Variants in TRPS1 observed in about 807,000 individuals in gnomAD.
TRPS1 encodes transcriptional repressor GATA binding 1.
A neutral mutation model predicts 101.2 loss-of-function variants in TRPS1; 6 were observed. The observed-to-expected ratio is 0.06, with a 90% CI of 0.03 to 0.12. The LOEUF (loss-of-function observed/expected upper bound fraction) is 0.12. Ranked by LOEUF, TRPS1 falls within the 10% of genes least tolerant of loss-of-function variation. TRPS1 has a pLI of 1.00. For missense variants in TRPS1, 1,363 were observed against 1,567.0 expected (o/e 0.87, Z 2.20); for synonymous variants, 578 against 589.8 (o/e 0.98, Z 0.29).
chr8:115,653,699 A>T (rs1169016184), intron 1 of TRPS1, among the ~76,000 whole-genome samples: 1 of 152,208 alleles, frequency 6.6e-6, no homozygotes, highest in Non-Finnish European at 1.5e-5. Context: ...AAAAAAGACA[A>T]GGCTGCCTTC....
At chr8:115,426,678 C>A (rs529066371) in intron 5 of TRPS1, among the ~76,000 whole-genome samples, 1 of 152,180 alleles carries the variant, frequency 6.6e-6, no homozygotes, top group Non-Finnish European at 1.5e-5. Context: ...ATGTATGACA[C>A]TCTCCAGAAA....
At chr8:115,474,704 C>A (rs951726945) in intron 5 of TRPS1, among the ~76,000 whole-genome samples, 1 of 152,004 alleles carries the variant, frequency 6.6e-6, no homozygotes, top group Non-Finnish European at 1.5e-5. Flanking sequence ...AAAATTATTT[C>A]TGTTATTTAC....
At chr8:115,574,910 T>C (rs1817281942) in intron 5 of TRPS1, among the ~76,000 whole-genome samples, 2 of 152,226 alleles carry the variant, frequency 1.3e-5, no homozygotes, top group Middle Eastern at 3.4e-3. Context: ...TTTTCCACTA[T>C]AATAATGTTT....
chr8:115,412,989 A>C lies in TRPS1; in HGVS notation c.*1034T>G, dbSNP rs1334011541. ...AACCTTAGACGCTGCCTGACCACAA[A>C]GTTTGGAAATTATATTTAACCAAAA... is the stretch of plus-strand genomic sequence containing the variant. On this transcript the variant is annotated 3_prime_UTR_variant, in exon 7 of 7. Coordinates refer to ENST00000395715, the MANE Select transcript of TRPS1 (RefSeq NM_014112.5). 1.3e-5 allele frequency: 2 copies of C among 152,578 alleles called. No individual in the cohort carries two copies. Among genetic ancestry groups the C allele is most frequent in the Non-Finnish European group, 2.9e-5 (2 of 68,016 alleles). 9.5% of individuals were successfully genotyped at this position (152,578 alleles called of 1,614,324 possible). A position where few individuals can be genotyped will look rare whatever the true frequency, so the allele number is the denominator to read the frequency against.
At position 115,488,883 on chromosome 8, in the gene TRPS1, T is replaced by G. The variant is rs142364699; in HGVS notation, c.2701-70431A>C. Reference sequence around the variant, plus strand: ...CTCATATAAACAGTGACATTATAAATGAGGTTATGTATTAATATAGTTCAA... The same window carrying G: ...CTCATATAAACAGTGACATTATAAAGGAGGTTATGTATTAATATAGTTCAA... On this transcript the variant is annotated intron_variant, in intron 5 of 6. Transcript: ENST00000395715. Among the ~76,000 whole-genome samples the G allele has an allele frequency of 2.4e-3, 358 of 152,298 alleles. 1 individual carries two copies. Among genetic ancestry groups the G allele is most frequent in the African/African-American group, 8.2e-3 (339 of 41,562 alleles).
At chr8:115,583,903 G>A (rs1057211731) in intron 5 of TRPS1, among the ~76,000 whole-genome samples, 10 of 151,622 alleles carry the variant, frequency 6.6e-5, no homozygotes, top group Non-Finnish European at 1.2e-4. Flanking sequence ...CCTGACATAA[G>A]CCAAAAAAAG....
chr8:115,648,377 C>A (rs569724046), intron 1 of TRPS1, among the ~76,000 whole-genome samples: 2 of 152,212 alleles, frequency 1.3e-5, no homozygotes, highest in Admixed American at 6.5e-5. Flanking sequence ...ACTGCTTCCG[C>A]AGGACTTCCT....
intron 5 of TRPS1, among the ~76,000 whole-genome samples, chr8:115,439,257 G>C (rs961388426): frequency 6.6e-6 from 1 of 152,180 alleles, no homozygotes; most frequent in African/African-American, 2.4e-5. Flanking sequence ...CGTTTACAGT[G>C]ATGCTAAAAG....
rs75837430 is a variant in TRPS1 at position 115,541,419 on chromosome 8, G to A, written c.2700+45582C>T. 2.0e-3 allele frequency among the ~76,000 whole-genome samples: 301 copies of A among 152,246 alleles called. 8 individuals are homozygous for A. In the East Asian group the frequency reaches 0.049, roughly 25 times the overall value. On this transcript the variant is annotated intron_variant, in intron 5 of 6. Transcript: ENST00000395715. ...AACTATAGCTATTCTTTATTCTAGT[G>A]TAACCAATTTTCACTGGTTATGCCA... is the stretch of plus-strand genomic sequence containing the variant.
intron 3 of TRPS1, among the ~76,000 whole-genome samples, chr8:115,614,902 G>A (rs530216933): frequency 9.3e-4 from 141 of 152,108 alleles, no homozygotes; most frequent in Non-Finnish European, 1.6e-3. Context: ...CTGCTCAAAC[G>A]ATTGTACTGA....
At chr8:115,640,538 G>A (rs543404816) in intron 1 of TRPS1, among the ~76,000 whole-genome samples, 5 of 152,206 alleles carry the variant, frequency 3.3e-5, no homozygotes, top group East Asian at 1.9e-4. Flanking sequence ...AGTGTTGTTC[G>A]TGTTCACAGG....
intron 5 of TRPS1, among the ~76,000 whole-genome samples, chr8:115,562,184 C>A (rs1002307859): frequency 6.6e-6 from 1 of 151,820 alleles, no homozygotes; most frequent in Non-Finnish European, 1.5e-5. Context: ...AAAAAATAGA[C>A]CAATGATATT....
At chr8:115,642,865 A>AT (rs1818935276) in intron 1 of TRPS1, among the ~76,000 whole-genome samples, 1 of 86,974 alleles carries the variant, frequency 1.1e-5, no homozygotes, top group African/African-American at 3.7e-5. Context: ...TATATATATA[A>AT]ATATATATAT....
chr8:115,596,755 GATGT>G (rs1247925460), intron 4 of TRPS1, among the ~76,000 whole-genome samples: 1 of 151,522 alleles, frequency 6.6e-6, no homozygotes, highest in African/African-American at 2.4e-5. Context: ...GTATATTTCA[GATGT>G]ATTTATCCAT....
At chr8:115,648,144 A>G (rs1186762209) in intron 1 of TRPS1, among the ~76,000 whole-genome samples, 1 of 151,960 alleles carries the variant, frequency 6.6e-6, no homozygotes, top group Non-Finnish European at 1.5e-5. Flanking sequence ...GAGGAAAGAG[A>G]GTTTATGGAG....
At chr8:115,447,484 A>G (rs904709388) in intron 5 of TRPS1, among the ~76,000 whole-genome samples, 4 of 152,210 alleles carry the variant, frequency 2.6e-5, no homozygotes, top group African/African-American at 9.6e-5. Flanking sequence ...AGCAAAAGAT[A>G]TAAGATATAA....
intron 5 of TRPS1, among the ~76,000 whole-genome samples, chr8:115,526,718 T>A (rs1456904910): frequency 6.6e-6 from 1 of 152,098 alleles, no homozygotes; most frequent in Admixed American, 6.6e-5. Context: ...AGAAAAGGGA[T>A]CCCCAGACTG....
intron 5 of TRPS1, among the ~76,000 whole-genome samples, chr8:115,445,575 G>A (rs569516578): frequency 4.3e-4 from 66 of 152,124 alleles, no homozygotes; most frequent in Non-Finnish European, 8.4e-4. Context: ...GTATGAGATC[G>A]CAAATTCGGA....
chr8:115,503,721 C>A (rs1000668452), intron 5 of TRPS1, among the ~76,000 whole-genome samples: 1 of 152,130 alleles, frequency 6.6e-6, no homozygotes, highest in Non-Finnish European at 1.5e-5. Context: ...CATGTATTAA[C>A]AAAGATGCAA....
Sources: gnomAD v4.1 joint callset for allele counts (sites outside exome capture counted in the v4.1 genomes callset) on GRCh38, gnomAD v4.1.1 for gene constraint, MANE v1.5 for transcripts, NCBI Gene and HGNC (gene_info 2026-07-23, HGNC 2026-07-21) for gene names.